Variants in IPO8 observed in about 807,000 individuals in gnomAD.
IPO8 encodes importin-8.
IPO8 carries 65 observed loss-of-function variants against 141.2 expected under a neutral mutation model. The ratio of observed to expected loss-of-function variants is 0.46; its 90% CI spans 0.38 to 0.57. The LOEUF (loss-of-function observed/expected upper bound fraction) is 0.57. Ranked by LOEUF, IPO8 falls within the 20% of genes least tolerant of loss-of-function variation. IPO8 has a pLI of 0.00. For synonymous variants in IPO8, 411 were observed against 420.3 expected (o/e 0.98, Z 0.27); for missense variants, 980 against 1,246.8 (o/e 0.79, Z 3.22).
intron 17 of IPO8, among the ~76,000 whole-genome samples, chr12:30,655,293 G>A (rs1370824592): frequency 2.0e-5 from 3 of 151,804 alleles, no homozygotes; most frequent in Non-Finnish European, 4.4e-5. Context: ...CCAAGCCCTG[G>A]CAACCACTGG....
chr12:30,667,401 C>T (rs1483121061), intron 10 of IPO8, among the ~76,000 whole-genome samples: 1 of 151,984 alleles, frequency 6.6e-6, no homozygotes, highest in African/African-American at 2.4e-5. Context: ...TAGTTCTTAC[C>T]AAATCAAAAA....
chr12:30,663,546 G>T lies in IPO8; in HGVS notation c.1537C>A (p.Pro513Thr). Residue 513 changes from proline to threonine, a missense_variant, in exon 14 of 25, where the codon CCT (proline) becomes ACT (threonine). This residue lies in a region of IPO8 where 924 missense variants were observed against 1,153.9 expected (regional missense o/e 0.80). Coordinates refer to ENST00000256079, the MANE Select transcript of IPO8 (RefSeq NM_006390.4). Reference protein sequence around the residue: ...KKSLIEDKEMPVKVEAALALQ... With the variant: ...KKSLIEDKEMTVKVEAALALQ... ...GCAAGGGCAGCTTCAACTTTGACAG[G>T]CATCTCTTTATCTTCAATCAGGCTC... 1 of 1,613,570 alleles carries T rather than the reference G, an allele frequency of 6.2e-7. No individual in the cohort carries two copies. Among genetic ancestry groups the T allele is most frequent in the Non-Finnish European group, 8.5e-7 (1 of 1,179,780 alleles).
chr12:30,639,624 G>T lies in IPO8; in HGVS notation c.2380C>A (p.Pro794Thr). The T allele has an allele frequency of 1.2e-6, 2 of 1,613,970 alleles. No homozygotes were observed. Among genetic ancestry groups the T allele is most frequent in the Non-Finnish European group, 1.7e-6 (2 of 1,179,892 alleles). Residue 794 changes from proline (P) to threonine (T), a missense_variant, in exon 21 of 25, where the codon CCT becomes ACT. Physicochemically the swap from Pro to Thr is conservative, Grantham distance 38. This residue lies in a region of IPO8 where 924 missense variants were observed against 1,153.9 expected (regional missense o/e 0.80). Transcript: ENST00000256079. Reference sequence around the variant, plus strand: ...TCTAAAGTATGTAGCAGCAAATCAGGGTTGTAGTACAAGGCAGCAATTGCA... The same window carrying T: ...TCTAAAGTATGTAGCAGCAAATCAGTGTTGTAGTACAAGGCAGCAATTGCA... ...QVAIAALYYN[P>T]DLLLHTLERI...
intron 2 of IPO8, chr12:30,686,358 G>A (rs1415300087): frequency 6.6e-6 from 1 of 152,112 alleles, no homozygotes; most frequent in East Asian, 1.9e-4. Context: ...GGATTTAGGG[G>A]TTTTTTTGAG....
chr12:30,635,531 C>A (rs773275745), intron 22 of IPO8, among the ~76,000 whole-genome samples: 2 of 152,018 alleles, frequency 1.3e-5, no homozygotes, highest in Non-Finnish European at 2.9e-5. Flanking sequence ...TATGTATCAC[C>A]ATGGATTCTG....
At chr12:30,649,111 T>C in intron 20 of IPO8, 26 bp downstream of exon 20, 2 of 1,476,418 alleles carry the variant, frequency 1.4e-6, no homozygotes, top group Non-Finnish European at 1.9e-6. Context: ...AACCCTCAAG[T>C]AAGGCACTTT....
chr12:30,664,659 T>C (rs530887092), intron 13 of IPO8, among the ~76,000 whole-genome samples: 2 of 152,382 alleles, frequency 1.3e-5, no homozygotes, highest in South Asian at 4.1e-4. Context: ...TAAAATCACC[T>C]TTCTCATTTC....
intron 11 of IPO8, 90 bp from the exon 12 acceptor site, chr12:30,665,935 A>G (rs1276992649): frequency 3.5e-6 from 3 of 855,954 alleles, no homozygotes; most frequent in East Asian, 5.0e-5. Context: ...TTAAAAATAA[A>G]GCCATTTTAT....
Position 30,665,813 on chromosome 12 carries a change from T to C in IPO8, c.1254A>G (p.Gln418=), listed in dbSNP as rs1209251431. 6.2e-7 allele frequency: 1 copy of C among 1,613,666 alleles called. No individual in the cohort carries two copies. Among genetic ancestry groups the C allele is most frequent in the East Asian group, 2.2e-5 (1 of 44,808 alleles). Reference sequence around the variant, plus strand: ...GGTCAAAGTTCGGGTCTGTCAGGATTTGATAACAGAATGCCATCATTTTTG... The same window carrying C: ...GGTCAAAGTTCGGGTCTGTCAGGATCTGATAACAGAATGCCATCATTTTTG... The part of the protein sequence containing the change: ...VLPKMMAFCY[Q]ILTDPNFDPR... Residue 418 remains glutamine (Q), a synonymous_variant, in exon 12 of 25, where the codon CAA becomes CAG. Transcript: ENST00000256079.
chr12:30,687,363 T>C (rs2053251926), intron 2 of IPO8, among the ~76,000 whole-genome samples: 1 of 152,130 alleles, frequency 6.6e-6, no homozygotes, highest in Admixed American at 6.5e-5. Context: ...TTAAGCATCA[T>C]AAGTTGAAAT....
intron 20 of IPO8, among the ~76,000 whole-genome samples, chr12:30,647,802 CAAAT>C (rs2052670434): frequency 1.3e-5 from 2 of 151,832 alleles, no homozygotes; most frequent in Non-Finnish European, 2.9e-5. Context: ...AATAAATAGA[CAAAT>C]AATTACAAAT....
At chr12:30,690,208 A>C (rs2053278486) in intron 2 of IPO8, among the ~76,000 whole-genome samples, 1 of 152,236 alleles carries the variant, frequency 6.6e-6, no homozygotes, top group Non-Finnish European at 1.5e-5. Flanking sequence ...AACGTTAGAG[A>C]GATCAGCTAT....
chr12:30,666,081 A>G lies in IPO8; in HGVS notation c.1221+94T>C. The stretch of plus-strand genomic sequence containing the variant: ...TTAAGGTGACAAATTATAACGAATA[A>G]CAACATAATTTCTCAAATACTAGGG... On this transcript the variant is annotated intron_variant, in intron 11 of 24. Coordinates refer to ENST00000256079, the MANE Select transcript of IPO8 (RefSeq NM_006390.4). The G allele has an allele frequency of 3.5e-6, 3 of 858,208 alleles. No homozygotes were observed. The East Asian group carries it at 7.6e-5, about 22-fold the overall frequency. 53.2% of individuals were successfully genotyped at this position (858,208 alleles called of 1,614,324 possible).
Position 30,695,146 on chromosome 12 carries a change from C to A in IPO8, c.84+418G>T. ...GTGGGCAGCGTGCTCCACAGCAACACCTAAAAAGGGCTGGGTTTGGAAAAA... is the reference window on the plus strand; with the variant it reads ...GTGGGCAGCGTGCTCCACAGCAACAACTAAAAAGGGCTGGGTTTGGAAAAA... On this transcript the variant is annotated intron_variant, in intron 1 of 24. Coordinates refer to ENST00000256079, the MANE Select transcript of IPO8 (RefSeq NM_006390.4). The surrounding 1 kb of genome is among the most constrained non-coding windows in gnomAD (Gnocchi z 4.2). The A allele has an allele frequency of 2.6e-6, 1 of 390,820 alleles. No individual in the cohort carries two copies. Among genetic ancestry groups the A allele is most frequent in the Non-Finnish European group, 5.0e-6 (1 of 200,094 alleles). 24.2% of individuals were successfully genotyped at this position (390,820 alleles called of 1,614,324 possible). A position where few individuals can be genotyped will look rare whatever the true frequency, so the allele number is the denominator to read the frequency against.
intron 2 of IPO8, chr12:30,686,713 T>C (rs1291382458): frequency 6.6e-6 from 1 of 152,088 alleles, no homozygotes; most frequent in Admixed American, 6.6e-5. Flanking sequence ...TTGATCCCTA[T>C]AGAACTAGTC....
intron 8 of IPO8, among the ~76,000 whole-genome samples, chr12:30,673,763 G>C (rs1012877176): frequency 1.3e-5 from 2 of 152,162 alleles, no homozygotes; most frequent in African/African-American, 4.8e-5. Flanking sequence ...CCAGAGTCTA[G>C]GATTCAGTTC....
intron 21 of IPO8, among the ~76,000 whole-genome samples, chr12:30,639,005 CT>C (rs1215491306): frequency 6.6e-6 from 1 of 152,136 alleles, no homozygotes; most frequent in East Asian, 1.9e-4. Context: ...AGGAAGAGTG[CT>C]TCACATAAAA....
At chr12:30,671,674 CAAAAAAAAA>C (rs71052423) in intron 8 of IPO8, among the ~76,000 whole-genome samples, 4 of 56,476 alleles carry the variant, frequency 7.1e-5, no homozygotes, top group East Asian at 4.9e-4. Flanking sequence ...GACTCTGCCT[CAAAAAAAAA>C]AAAAAAAAAA....
At chr12:30,682,915 AT>A (rs2053203396) in intron 3 of IPO8, among the ~76,000 whole-genome samples, 1 of 152,212 alleles carries the variant, frequency 6.6e-6, no homozygotes, top group Non-Finnish European at 1.5e-5. Context: ...CCTTAAGGAC[AT>A]AAAAGGAGCA....
Sources: allele counts gnomAD v4.1 joint callset (sites outside exome capture counted in the v4.1 genomes callset), GRCh38; gene constraint gnomAD v4.1.1; regional missense constraint gnomAD v4.1.1; non-coding constraint Gnocchi (gnomAD v3.1); transcripts MANE v1.5; gene names NCBI Gene and HGNC (gene_info 2026-07-23, HGNC 2026-07-21).